Variants in OPCML observed in about 807,000 individuals in gnomAD.
OPCML encodes opioid binding protein/cell adhesion molecule like.
OPCML carries 13 observed loss-of-function variants against 37.8 expected under a neutral mutation model. The ratio of observed to expected loss-of-function variants is 0.34; its 90% CI spans 0.22 to 0.55. The LOEUF is 0.55. OPCML is among the 20% of genes least tolerant of loss of function. The pLI is 0.91. For missense variants in OPCML, 341 were observed against 435.6 expected, an observed-to-expected ratio of 0.78 and a Z score of 1.93; for synonymous variants, 176 against 168.8, an observed-to-expected ratio of 1.04 and a Z score of -0.33.
At chr11:133,000,125 C>T (rs552577195) in intron 1 of OPCML, among the ~76,000 whole-genome samples, 2 of 152,196 alleles carry the variant, frequency 1.3e-5, no homozygotes, top group Admixed American at 6.5e-5. Context: ...GACGTGATCT[C>T]GGCTCACTGC....
At chr11:132,855,331 T>G (rs1422720604) in intron 2 of OPCML, among the ~76,000 whole-genome samples, 1 of 152,170 alleles carries the variant, frequency 6.6e-6, no homozygotes, top group Non-Finnish European at 1.5e-5. Context: ...ACCCATTCCC[T>G]AGCCCCCTGC....
At position 132,662,412 on chromosome 11, in the gene OPCML, C is replaced by CAAAAAAAA. The variant is rs57243826; in HGVS notation, c.147-5101_147-5094dup. ...TTTTTATATTTTGTCTTTGAAAATGCAAAAAAAAAAAAAAAAAGTGCCAAG... is the reference window on the plus strand; with the variant it reads ...TTTTTATATTTTGTCTTTGAAAATGCAAAAAAAAAAAAAAAAAAAAAAAAAGTGCCAAG... On this transcript the variant is annotated intron_variant, in intron 2 of 7. Coordinates refer to ENST00000524381, the MANE Select transcript of OPCML (RefSeq NM_001012393.5). 3.3e-5 allele frequency among the ~76,000 whole-genome samples: 4 copies of CAAAAAAAA among 119,956 alleles called. 1 individual carries two copies. Among genetic ancestry groups the CAAAAAAAA allele is most frequent in the Non-Finnish European group, 3.6e-5 (2 of 55,042 alleles). The allele number at this position is 119,956 out of a possible 152,430, so 78.7% of individuals were successfully genotyped here.
chr11:133,340,688 A>G (rs1943850218), intron 1 of OPCML, among the ~76,000 whole-genome samples: 1 of 147,392 alleles, frequency 6.8e-6, no homozygotes, highest in Non-Finnish European at 1.5e-5. Context: ...TCTTTTTATT[A>G]ATAGCCATTC....
chr11:132,987,617 G>A (rs1472073180), intron 1 of OPCML, among the ~76,000 whole-genome samples: 1 of 152,174 alleles, frequency 6.6e-6, no homozygotes, highest in East Asian at 1.9e-4. Context: ...ACCACAGTTG[G>A]AGAATGTATT....
intron 1 of OPCML, among the ~76,000 whole-genome samples, chr11:133,159,153 G>C (rs1950108071): frequency 6.6e-6 from 1 of 152,172 alleles, no homozygotes; most frequent in Non-Finnish European, 1.5e-5. Context: ...TAAGATGCGG[G>C]GTTTTTAGAA....
chr11:132,685,121 T>C (rs1943111270), intron 2 of OPCML, among the ~76,000 whole-genome samples: 1 of 152,246 alleles, frequency 6.6e-6, no homozygotes, highest in South Asian at 2.1e-4. Context: ...TCTTTGGATT[T>C]GATTTGCTCT....
intron 1 of OPCML, among the ~76,000 whole-genome samples, chr11:133,038,810 G>A (rs1320799743): frequency 8.0e-5 from 11 of 137,346 alleles, no homozygotes; most frequent in African/African-American, 2.9e-4. Context: ...CTGACTCACT[G>A]TTGCCTCTAT....
At chr11:133,294,870 C>T (rs903695631) in intron 1 of OPCML, among the ~76,000 whole-genome samples, 1 of 124,112 alleles carries the variant, frequency 8.1e-6, no homozygotes, top group East Asian at 2.6e-4. Context: ...GTCACCCAGG[C>T]TGGAGTGCAG....
At position 133,366,985 on chromosome 11, in the gene OPCML, C is replaced by CTTTTTTTT. The variant is rs1005265342; in HGVS notation, c.61+165271_61+165278dup. 3.0e-3 allele frequency among the ~76,000 whole-genome samples: 455 copies of CTTTTTTTT among 151,348 alleles called. 2 individuals are homozygous for CTTTTTTTT. The highest frequency in any genetic ancestry group is 9.6e-3 in the African/African-American group (396 of 41,224). ...CCCATCCAATCATCGAATGCACTTT[C>CTTTTTTTT]TTTTTTTTTGGAGATGGAGTCTCAC... is the stretch of plus-strand genomic sequence containing the variant. On this transcript the variant is annotated intron_variant, in intron 1 of 7. Transcript: ENST00000524381.
At chr11:133,146,184 CACTA>C (rs1020760513) in intron 1 of OPCML, among the ~76,000 whole-genome samples, 12 of 152,062 alleles carry the variant, frequency 7.9e-5, no homozygotes, top group Admixed American at 5.2e-4. Flanking sequence ...CTACTAATCC[CACTA>C]ATGGTCTTCT....
At chr11:133,139,889 G>GA (rs1010243071) in intron 1 of OPCML, among the ~76,000 whole-genome samples, 1 of 152,000 alleles carries the variant, frequency 6.6e-6, no homozygotes, top group Non-Finnish European at 1.5e-5. Context: ...GGAAAAGCAG[G>GA]AAAAAATAGA....
At chr11:133,274,343 T>A (rs994850042) in intron 1 of OPCML, among the ~76,000 whole-genome samples, 2 of 85,980 alleles carry the variant, frequency 2.3e-5, no homozygotes, top group African/African-American at 8.7e-5. Flanking sequence ...ATTAATCCAA[T>A]ATGGCTCGTA....
At chr11:132,614,739 A>T (rs906904545) in intron 3 of OPCML, among the ~76,000 whole-genome samples, 5 of 152,200 alleles carry the variant, frequency 3.3e-5, no homozygotes, top group African/African-American at 1.2e-4. Context: ...TGATGATGGG[A>T]TAGGCATTTC....
intron 1 of OPCML, among the ~76,000 whole-genome samples, chr11:133,117,085 TAC>T (rs2137106825): frequency 6.6e-6 from 1 of 152,322 alleles, no homozygotes; most frequent in African/African-American, 2.4e-5. Context: ...CTATTTTTGT[TAC>T]AGTCTGTTAA....
At chr11:133,279,176 C>T (rs1302449985) in intron 1 of OPCML, among the ~76,000 whole-genome samples, 2 of 152,186 alleles carry the variant, frequency 1.3e-5, no homozygotes, top group African/African-American at 2.4e-5. Flanking sequence ...GCAGCAATCT[C>T]CCCTCCTTGA....
intron 1 of OPCML, among the ~76,000 whole-genome samples, chr11:133,115,131 A>G (rs1949312731): frequency 6.6e-6 from 1 of 152,088 alleles, no homozygotes; most frequent in South Asian, 2.1e-4. Flanking sequence ...ATCTGCACCC[A>G]CTTGTTTGTA....
intron 1 of OPCML, among the ~76,000 whole-genome samples, chr11:133,375,274 A>G (rs1592245109): frequency 6.6e-6 from 1 of 152,246 alleles, no homozygotes; most frequent in Admixed American, 6.5e-5. Flanking sequence ...TACATACATA[A>G]GTATATACCA....
chr11:133,509,444 T>C (rs1436762542), intron 1 of OPCML, among the ~76,000 whole-genome samples: 2 of 152,228 alleles, frequency 1.3e-5, no homozygotes, highest in East Asian at 3.8e-4. Context: ...GGTATATGTA[T>C]CACATTTTCT....
At chr11:133,338,948 AT>A (rs1401179648) in intron 1 of OPCML, among the ~76,000 whole-genome samples, 1 of 152,186 alleles carries the variant, frequency 6.6e-6, no homozygotes, top group Non-Finnish European at 1.5e-5. Context: ...TCTTCCCATC[AT>A]CCCTGTTCCT....
Sources: allele counts gnomAD v4.1 joint callset (sites outside exome capture counted in the v4.1 genomes callset), GRCh38; gene constraint gnomAD v4.1.1; transcripts MANE v1.5; gene names NCBI Gene and HGNC (gene_info 2026-07-23, HGNC 2026-07-21).